The following KAZN variants were observed in gnomAD, a reference collection of about 807,000 sequenced individuals.
KAZN encodes the protein kazrin.
A neutral mutation model predicts 87.4 loss-of-function variants in KAZN; 40 were observed. That is an observed-to-expected ratio of 0.46 (90% CI 0.36 to 0.60). KAZN has a LOEUF of 0.60. Ranked by LOEUF, KAZN falls within the 20% of genes least tolerant of loss-of-function variation. The pLI, the probability that KAZN is intolerant of heterozygous loss-of-function variation, is 0.00. For synonymous variants in KAZN, 466 were observed against 458.3 expected, an observed-to-expected ratio of 1.02 and a Z score of -0.22; for missense variants, 898 against 1,073.9, an observed-to-expected ratio of 0.84 and a Z score of 2.29.
chr1:14,798,515 CTT>C (rs1376931126), intron 1 of KAZN, among the ~76,000 whole-genome samples: 2 of 6,512 alleles, frequency 3.1e-4, no homozygotes, highest in Non-Finnish European at 4.4e-4. Flanking sequence ...GCAAGCTCCA[CTT>C]TCCACTTCCC....
chr1:14,660,073 A>G (rs10737899), intron 1 of KAZN, among the ~76,000 whole-genome samples: 38,781 of 152,034 alleles, frequency 0.26, 5,205 homozygotes, highest in South Asian at 0.35. Flanking sequence ...GCCGCTCTGC[A>G]ACTACCGGGA....
intron 1 of KAZN, among the ~76,000 whole-genome samples, chr1:13,985,586 T>C (rs1638978822): frequency 6.8e-6 from 1 of 147,624 alleles, no homozygotes; most frequent in South Asian, 2.3e-4. Context: ...GGGATAGCAT[T>C]GGGAGATATA....
intron 2 of KAZN, among the ~76,000 whole-genome samples, chr1:14,511,230 T>A (rs137958402): frequency 1.3e-3 from 193 of 152,268 alleles, no homozygotes; most frequent in Non-Finnish European, 2.3e-3. Flanking sequence ...GTCAAGCCAG[T>A]TTTGAAAGAT....
intron 2 of KAZN, among the ~76,000 whole-genome samples, chr1:14,367,745 A>G (rs1000525565): frequency 3.3e-5 from 5 of 152,170 alleles, no homozygotes; most frequent in African/African-American, 1.2e-4. Flanking sequence ...AATGTTGTCC[A>G]GCGGTGTTGC....
rs1646175577 is a variant in KAZN at position 14,180,542 on chromosome 1, ACT to A, written c.202_203del (p.Leu68GlufsTer26). The A allele has an allele frequency of 2.6e-6, 4 of 1,550,328 alleles. No homozygotes were observed. Among genetic ancestry groups the A allele is most frequent in the Non-Finnish European group, 3.5e-6 (4 of 1,146,750 alleles). ...CCCTTTTCTACCCACTGAGAAGGAG[ACT>A]CTGAAGAGTTCCATGATATTGATGA... On this transcript the variant is annotated frameshift_variant, in exon 2 of 17. Coordinates refer to the KAZN transcript ENST00000636203. LOFTEE classifies it high-confidence loss of function.
At chr1:14,760,790 C>T (rs921802807) in intron 1 of KAZN, among the ~76,000 whole-genome samples, 3 of 152,144 alleles carry the variant, frequency 2.0e-5, no homozygotes, top group African/African-American at 4.8e-5. Flanking sequence ...CTCGTCTCTA[C>T]AAATAAAATA....
intron 2 of KAZN, among the ~76,000 whole-genome samples, chr1:14,195,297 C>A (rs888890621): frequency 5.3e-5 from 8 of 151,938 alleles, no homozygotes; most frequent in African/African-American, 9.7e-5. Flanking sequence ...GTCACTTGTC[C>A]CTCCACCCTC....
chr1:13,965,760 G>A (rs1333143920), intron 1 of KAZN, among the ~76,000 whole-genome samples: 2 of 152,112 alleles, frequency 1.3e-5, no homozygotes, highest in African/African-American at 4.8e-5. Flanking sequence ...CTATTTCCAC[G>A]GGGCAAAGTC....
chr1:13,932,970 A>G (rs1392543806), intron 1 of KAZN, among the ~76,000 whole-genome samples: 4 of 152,224 alleles, frequency 2.6e-5, no homozygotes, highest in Non-Finnish European at 5.9e-5. Context: ...AAAGGTTGCA[A>G]AAATACTACA....
Position 14,967,069 on chromosome 1 carries a change from C to T in KAZN, c.418+6194C>T, listed in dbSNP as rs114739075. On this transcript the variant is annotated intron_variant, in intron 2 of 14. Transcript: ENST00000376030. ...GACACCTGATGTTGAGGCTTTGATG[C>T]AGGCAGATGATGGGCGATGGTCACG... 5.2e-3 allele frequency among the ~76,000 whole-genome samples: 792 copies of T among 152,276 alleles called. 9 individuals are homozygous for T. Among genetic ancestry groups the T allele is most frequent in the African/African-American group, 0.018 (752 of 41,554 alleles).
intron 1 of KAZN, among the ~76,000 whole-genome samples, chr1:14,737,224 G>A (rs1461098393): frequency 6.6e-6 from 1 of 152,112 alleles, no homozygotes; most frequent in Non-Finnish European, 1.5e-5. Context: ...AAGCCTCAGG[G>A]TGCTCCAACA....
At chr1:14,782,036 G>A (rs1374083235) in intron 1 of KAZN, among the ~76,000 whole-genome samples, 1 of 152,138 alleles carries the variant, frequency 6.6e-6, no homozygotes, top group Non-Finnish European at 1.5e-5. Context: ...CATAAGAATG[G>A]AACCTGTCTG....
intron 2 of KAZN, among the ~76,000 whole-genome samples, chr1:14,268,554 G>A (rs796700970): frequency 2.0e-4 from 30 of 152,044 alleles, no homozygotes; most frequent in African/African-American, 7.0e-4. Flanking sequence ...GGAGGGGAAG[G>A]AGAAAACCTT....
At chr1:13,936,864 T>C (rs1640760878) in intron 1 of KAZN, among the ~76,000 whole-genome samples, 1 of 152,182 alleles carries the variant, frequency 6.6e-6, no homozygotes, top group South Asian at 2.1e-4. Flanking sequence ...TTTGGGTAGA[T>C]AGCCAGTAGT....
chr1:14,050,157 TGC>T (rs1642259967), intron 1 of KAZN, among the ~76,000 whole-genome samples: 1 of 146,290 alleles, frequency 6.8e-6, no homozygotes, highest in South Asian at 2.2e-4. Flanking sequence ...GGTATGCTTG[TGC>T]GCGTGTGTGG....
At chr1:14,298,088 G>T (rs1169063951) in intron 2 of KAZN, among the ~76,000 whole-genome samples, 1 of 152,142 alleles carries the variant, frequency 6.6e-6, no homozygotes, top group East Asian at 1.9e-4. Flanking sequence ...AGCCGGGTGT[G>T]GTGGCGCATG....
At chr1:13,933,320 C>T (rs963624112) in intron 1 of KAZN, among the ~76,000 whole-genome samples, 24 of 152,136 alleles carry the variant, frequency 1.6e-4, no homozygotes, top group African/African-American at 5.8e-4. Context: ...TGGAGAAACC[C>T]TGTCCCTACT....
chr1:14,466,496 G>A (rs1386902213), intron 2 of KAZN, among the ~76,000 whole-genome samples: 1 of 152,028 alleles, frequency 6.6e-6, no homozygotes, highest in Non-Finnish European at 1.5e-5. Flanking sequence ...GCCTCTCAGG[G>A]AGTGGGGTGA....
At chr1:14,862,178 C>A (rs759714922) in intron 1 of KAZN, among the ~76,000 whole-genome samples, 34 of 152,138 alleles carry the variant, frequency 2.2e-4, no homozygotes, top group Admixed American at 2.1e-3. Context: ...GAGTGAGATT[C>A]GCACAGATCT....
Sources: gnomAD v4.1 joint callset for allele counts (sites outside exome capture counted in the v4.1 genomes callset) on GRCh38, gnomAD v4.1.1 for gene constraint, MANE v1.5 for transcripts, NCBI Gene and HGNC (gene_info 2026-07-23, HGNC 2026-07-21) for gene names.